The following TUSC3 variants were observed in gnomAD, a reference collection of about 807,000 sequenced individuals.
TUSC3 encodes the protein dolichyl-diphosphooligosaccharide--protein glycosyltransferase subunit TUSC3.
A neutral mutation model predicts 44.8 loss-of-function variants in TUSC3; 45 were observed. That is an observed-to-expected ratio of 1.00 (90% CI 0.79 to 1.29). The LOEUF is 1.29. Ranked by LOEUF, TUSC3 falls within the 50% of genes most tolerant of loss-of-function variation. The probability of loss-of-function intolerance (pLI) is 0.00; values close to 1 mark genes in which losing one functional copy is unlikely to be tolerated. For missense variants in TUSC3, 519 were observed against 437.9 expected, an observed-to-expected ratio of 1.19 and a Z score of -1.65; for synonymous variants, 212 against 152.9, an observed-to-expected ratio of 1.39 and a Z score of -2.85.
intron 1 of TUSC3, among the ~76,000 whole-genome samples, chr8:15,556,742 C>T (rs1328955701): frequency 7.0e-6 from 1 of 142,156 alleles, no homozygotes; most frequent in Non-Finnish European, 1.5e-5. Context: ...ATTTGCATTT[C>T]TCTGATGGCC....
rs115775069 is a variant in TUSC3 at position 15,625,587 on chromosome 8, C to T, written c.308+2338C>T. Among the ~76,000 whole-genome samples, 1,239 of 152,264 alleles carry T rather than the reference C, an allele frequency of 8.1e-3. 17 individuals are homozygous for T. Among genetic ancestry groups the T allele is most frequent in the African/African-American group, 0.028 (1,145 of 41,558 alleles). On this transcript the variant is annotated intron_variant, in intron 2 of 10. Transcript: ENST00000503731. ...TGTTCAAGAGCAAACACATTTTGTA[C>T]TATAACTGCATGTGCCAGCATTGTC...
chr8:15,460,237 G>C (rs1800326229), intron 1 of TUSC3, among the ~76,000 whole-genome samples: 1 of 152,074 alleles, frequency 6.6e-6, no homozygotes, highest in Non-Finnish European at 1.5e-5. Context: ...CATTCTTGTG[G>C]AGTAAGTTGG....
intron 1 of TUSC3, among the ~76,000 whole-genome samples, chr8:15,622,798 T>C (rs978840865): frequency 1.1e-4 from 16 of 147,466 alleles, no homozygotes; most frequent in South Asian, 6.3e-4. Flanking sequence ...GAGCTTACTT[T>C]TCTTGAGCCT....
intron 1 of TUSC3, among the ~76,000 whole-genome samples, chr8:15,470,290 G>GCATT (rs1800471676): frequency 6.6e-6 from 1 of 150,500 alleles, no homozygotes; most frequent in Admixed American, 6.6e-5. Context: ...TGGTTGCCAA[G>GCATT]GGTTCAAGGA....
chr8:15,623,765 C>T (rs1302884638), intron 2 of TUSC3, among the ~76,000 whole-genome samples: 1 of 151,954 alleles, frequency 6.6e-6, no homozygotes, highest in Non-Finnish European at 1.5e-5. Flanking sequence ...ACAACAAACA[C>T]TTTTTTAAAT....
At chr8:15,528,207 T>A (rs6530885) in intron 2 of TUSC3, among the ~76,000 whole-genome samples, 137,988 of 152,178 alleles carry the variant, frequency 0.91, 62,901 homozygotes, top group South Asian at 0.96. Flanking sequence ...AAAAAAAACT[T>A]TCCATCATTT....
intron 6 of TUSC3, among the ~76,000 whole-genome samples, chr8:15,714,861 T>G (rs928014354): frequency 3.9e-5 from 6 of 152,198 alleles, no homozygotes; most frequent in Non-Finnish European, 8.8e-5. Flanking sequence ...TACTCAGAAC[T>G]GAATTTTACA....
intron 6 of TUSC3, among the ~76,000 whole-genome samples, chr8:15,730,070 A>G (rs777658367): frequency 1.3e-5 from 2 of 152,142 alleles, no homozygotes; most frequent in Non-Finnish European, 2.9e-5. Flanking sequence ...TATCAGCAGA[A>G]ATAATCATGG....
In TUSC3 at chr8:15,705,548, C is replaced by T. The variant is rs182429577; in HGVS notation, c.799-25118C>T. Among the ~76,000 whole-genome samples the T allele has an allele frequency of 3.3e-3, 507 of 152,156 alleles. 2 individuals carry two copies. Among genetic ancestry groups the T allele is most frequent in the Middle Eastern group, 6.8e-3 (2 of 294 alleles). On this transcript the variant is annotated intron_variant, in intron 6 of 10. Transcript: ENST00000503731. ...TTTGGTGGGTAATATGTCAGAGCTA[C>T]AAGACTTACCTTTAAAATGATTCTT...
In TUSC3 at chr8:15,513,141, G is replaced by C. The variant is rs970255759; in HGVS notation, n.189+29658G>C. Among the ~76,000 whole-genome samples the C allele has an allele frequency of 4.0e-5, 6 of 151,304 alleles. No individual in the cohort carries two copies. In the East Asian group the frequency reaches 1.2e-3, roughly 29 times the overall value. On this transcript the variant is annotated intron_variant and non_coding_transcript_variant, in intron 2 of 5. Transcript: ENST00000503191. ...CAGTAAATGAAAATAACTCACAAATGAGTGTGACATCATATACAAAAAATT... is the reference window on the plus strand; with the variant it reads ...CAGTAAATGAAAATAACTCACAAATCAGTGTGACATCATATACAAAAAATT...
the TUSC3 span, among the ~76,000 whole-genome samples, chr8:15,836,584 A>T: frequency 3.3e-5 from 5 of 152,046 alleles, no homozygotes; most frequent in African/African-American, 9.7e-5. Flanking sequence ...GTTCTTTAAA[A>T]TTTTAAATAC....
intron 6 of TUSC3, among the ~76,000 whole-genome samples, chr8:15,680,541 T>C (rs921643678): frequency 6.6e-6 from 1 of 152,130 alleles, no homozygotes; most frequent in African/African-American, 2.4e-5. Flanking sequence ...CAAAGAGAGA[T>C]ACTTTGACTT....
At chr8:15,761,999 TAATATC>T (rs1476110928) in intron 10 of TUSC3, among the ~76,000 whole-genome samples, 7 of 152,042 alleles carry the variant, frequency 4.6e-5, no homozygotes, top group African/African-American at 1.7e-4. Context: ...CCTTGAGTGA[TAATATC>T]AATATAAAAC....
intron 3 of TUSC3, among the ~76,000 whole-genome samples, chr8:15,655,204 A>G (rs986821354): frequency 2.6e-5 from 4 of 152,156 alleles, no homozygotes; most frequent in African/African-American, 9.7e-5. Context: ...GTCTCCCAGT[A>G]AATAGAAAAC....
intron 6 of TUSC3, among the ~76,000 whole-genome samples, chr8:15,707,589 C>G (rs1030315355): frequency 1.3e-5 from 2 of 151,848 alleles, no homozygotes; most frequent in Non-Finnish European, 2.9e-5. Flanking sequence ...TGGTAACAAT[C>G]AAATATAATG....
intron 1 of TUSC3, among the ~76,000 whole-genome samples, chr8:15,463,892 T>C (rs185891615): frequency 2.8e-4 from 42 of 152,318 alleles, no homozygotes; most frequent in Admixed American, 5.9e-4. Context: ...TCTTATTTCC[T>C]TCCCATAGAG....
At chr8:15,556,328 T>C (rs548073061) in intron 1 of TUSC3, among the ~76,000 whole-genome samples, 19 of 150,664 alleles carry the variant, frequency 1.3e-4, no homozygotes, top group South Asian at 1.1e-3. Context: ...ACAAAGGACA[T>C]GAACTCATCA....
chr8:15,485,063 A>G (rs758215729), intron 2 of TUSC3, among the ~76,000 whole-genome samples: 1 of 152,032 alleles, frequency 6.6e-6, no homozygotes, highest in African/African-American at 2.4e-5. Context: ...TTCATTTTTC[A>G]TTTGCACTTT....
chr8:15,526,133 C>G (rs1034429429), intron 2 of TUSC3, among the ~76,000 whole-genome samples: 33 of 151,896 alleles, frequency 2.2e-4, no homozygotes, highest in Non-Finnish European at 4.1e-4. Flanking sequence ...CCAGGGTTCC[C>G]GCCATTCTTC....
Sources: gnomAD v4.1 joint callset for allele counts (sites outside exome capture counted in the v4.1 genomes callset) on GRCh38, gnomAD v4.1.1 for gene constraint, MANE v1.5 for transcripts, NCBI Gene and HGNC (gene_info 2026-07-23, HGNC 2026-07-21) for gene names.